The following PUM1 variants were observed in gnomAD, a reference collection of about 807,000 sequenced individuals.
PUM1 encodes pumilio RNA binding family member 1, also known as pumilio homolog 1.
A neutral mutation model predicts 131.8 loss-of-function variants in PUM1; 13 were observed. The observed-to-expected ratio is 0.10, with a 90% CI of 0.06 to 0.16. PUM1 has a LOEUF of 0.16. Among genes scored for constraint, PUM1 ranks in the 10% least tolerant of loss-of-function variants. The probability of loss-of-function intolerance (pLI) is 1.00; values close to 1 mark genes in which losing one functional copy is unlikely to be tolerated. For missense variants in PUM1, 961 were observed against 1,512.4 expected (o/e 0.64, Z 6.05); for synonymous variants, 509 against 556.5 (o/e 0.91, Z 1.20).
At chr1:31,057,647 C>T (rs565697639) in intron 2 of PUM1, among the ~76,000 whole-genome samples, 39 of 145,014 alleles carry the variant, frequency 2.7e-4, no homozygotes, top group Non-Finnish European at 5.1e-4. Context: ...ATTGCTTAAA[C>T]CTGGGAGGGG....
At chr1:30,946,713 T>C (rs1639692198) in intron 17 of PUM1, among the ~76,000 whole-genome samples, 1 of 150,750 alleles carries the variant, frequency 6.6e-6, no homozygotes, top group South Asian at 2.1e-4. Context: ...AGATTCAAAG[T>C]ACAGTTTTGA....
At chr1:31,045,099 G>A (rs1424685326) in intron 2 of PUM1, among the ~76,000 whole-genome samples, 1 of 150,054 alleles carries the variant, frequency 6.7e-6, no homozygotes, top group Non-Finnish European at 1.5e-5. Flanking sequence ...TGCCCAGCTG[G>A]AATTATACAC....
At chr1:31,061,430 A>C (rs1410091054) in intron 1 of PUM1, among the ~76,000 whole-genome samples, 1 of 151,726 alleles carries the variant, frequency 6.6e-6, no homozygotes, top group African/African-American at 2.4e-5. Flanking sequence ...ATCCTGGCTA[A>C]CATGGTGAAA....
chr1:31,009,438 T>C (rs1401910606), intron 3 of PUM1, among the ~76,000 whole-genome samples: 3 of 152,142 alleles, frequency 2.0e-5, no homozygotes, highest in Non-Finnish European at 4.4e-5. Flanking sequence ...TAAGAGTTCA[T>C]TCCTCACAGA....
chr1:31,014,676 C>T (rs1403224967), intron 3 of PUM1, among the ~76,000 whole-genome samples: 1 of 151,672 alleles, frequency 6.6e-6, no homozygotes, highest in Non-Finnish European at 1.5e-5. Flanking sequence ...ATAATCCCAG[C>T]TACTCGGGAG....
At chr1:30,952,756 C>T (rs1162681114) in intron 15 of PUM1, among the ~76,000 whole-genome samples, 1 of 150,450 alleles carries the variant, frequency 6.6e-6, no homozygotes, top group African/African-American at 2.4e-5. Context: ...AACATGTACC[C>T]TACTTGACTT....
chr1:31,064,356 G>C (rs1644433701), intron 1 of PUM1, among the ~76,000 whole-genome samples: 1 of 152,104 alleles, frequency 6.6e-6, no homozygotes, highest in Admixed American at 6.6e-5. Context: ...TTCAGAATCC[G>C]GAGAGCGTTT....
intron 17 of PUM1, among the ~76,000 whole-genome samples, chr1:30,946,297 C>T (rs1639666704): frequency 6.6e-6 from 1 of 151,590 alleles, no homozygotes; most frequent in East Asian, 1.9e-4. Flanking sequence ...ATTTACAGTA[C>T]CCTAGAGTTG....
chr1:31,027,327 G>A (rs1463278704), intron 3 of PUM1, among the ~76,000 whole-genome samples: 1 of 152,058 alleles, frequency 6.6e-6, no homozygotes, highest in Non-Finnish European at 1.5e-5. Context: ...ATTTTTGGTG[G>A]AATACACCAG....
chr1:31,012,295 C>T (rs896204297), intron 3 of PUM1, among the ~76,000 whole-genome samples: 2 of 151,716 alleles, frequency 1.3e-5, no homozygotes, highest in Non-Finnish European at 2.9e-5. Context: ...GTCAATATCG[C>T]AACCCAGTCA....
chr1:31,046,327 G>C (rs1000066779), intron 2 of PUM1, among the ~76,000 whole-genome samples: 4 of 145,730 alleles, frequency 2.7e-5, no homozygotes, highest in Non-Finnish European at 6.1e-5. Context: ...TGGAGGTTGC[G>C]GTGAGCCGAA....
Position 30,965,964 on chromosome 1 carries a change from T to C in PUM1, c.2086+18A>G. 6.3e-7 allele frequency: 1 copy of C among 1,599,776 alleles called. No homozygotes were observed. The highest frequency in any genetic ancestry group is 1.3e-5 in the African/African-American group (1 of 74,342). ...TAATTAAAATTCAGTCTTAAGAGCA[T>C]ATCAGTCTAATTTCTACCTGCTGTT... On this transcript the variant is annotated intron_variant, in intron 13 of 21. Coordinates refer to ENST00000426105, the MANE Select transcript of PUM1 (RefSeq NM_001020658.2).
At chr1:31,029,363 A>G (rs867152938) in intron 2 of PUM1, among the ~76,000 whole-genome samples, 17 of 152,190 alleles carry the variant, frequency 1.1e-4, no homozygotes. Flanking sequence ...AAGTATCCCA[A>G]TATCTCTCCA....
At chr1:30,936,550 CA>C in intron 21 of PUM1, 92 bp downstream of exon 21, 1 of 1,261,050 alleles carries the variant, frequency 7.9e-7, no homozygotes, top group Non-Finnish European at 1.1e-6. Context: ...ACAAACTCTT[CA>C]AAAACAGCAG....
intron 3 of PUM1, among the ~76,000 whole-genome samples, chr1:31,027,836 G>C (rs976791809): frequency 2.6e-5 from 4 of 152,158 alleles, no homozygotes; most frequent in African/African-American, 9.7e-5. Context: ...AAGAACAAAT[G>C]TATCTAATAA....
At chr1:31,025,317 G>A (rs777025959) in intron 3 of PUM1, among the ~76,000 whole-genome samples, 1 of 152,022 alleles carries the variant, frequency 6.6e-6, no homozygotes, top group Non-Finnish European at 1.5e-5. Flanking sequence ...TCAACTACTA[G>A]AAATCAATTA....
intron 2 of PUM1, among the ~76,000 whole-genome samples, chr1:31,029,782 T>C (rs893200331): frequency 2.0e-5 from 3 of 151,944 alleles, no homozygotes; most frequent in Non-Finnish European, 4.4e-5. Flanking sequence ...TTAGTTGGGC[T>C]GTGGTGGCAC....
chr1:31,059,180 C>T, intron 2 of PUM1, 24 bp downstream of exon 2: 1 of 1,535,808 alleles, frequency 6.5e-7, no homozygotes, highest in Non-Finnish European at 8.8e-7. Context: ...AATGTCAAAG[C>T]TAAAATAGTG....
intron 1 of PUM1, 120 bp downstream of exon 1, chr1:31,065,496 G>T: frequency 9.2e-7 from 1 of 1,082,180 alleles, no homozygotes; most frequent in Non-Finnish European, 1.2e-6. Context: ...CCAGGGCCCC[G>T]GCGGCTTTTC....
Sources: allele counts gnomAD v4.1 joint callset (sites outside exome capture counted in the v4.1 genomes callset), GRCh38; gene constraint gnomAD v4.1.1; transcripts MANE v1.5; gene names NCBI Gene and HGNC (gene_info 2026-07-23, HGNC 2026-07-21).